SLC19A2: variants seen among roughly 807,000 people sequenced by gnomAD.
SLC19A2 encodes solute carrier family 19 member 2, also known as thiamine transporter 1.
Under a neutral mutation model 44.7 loss-of-function variants are expected in SLC19A2, and 27 were observed. The ratio of observed to expected loss-of-function variants is 0.60; its 90% CI spans 0.45 to 0.83. SLC19A2 has a LOEUF of 0.83. SLC19A2 is among the 40% of genes least tolerant of loss of function. SLC19A2 has a pLI of 0.00. For missense variants in SLC19A2, 566 were observed against 613.7 expected (o/e 0.92, Z 0.82); for synonymous variants, 239 against 243.6 (o/e 0.98, Z 0.18).
At chr1:169,479,902 A>G (rs1452662454) in intron 1 of SLC19A2, among the ~76,000 whole-genome samples, 2 of 152,250 alleles carry the variant, frequency 1.3e-5, no homozygotes, top group African/African-American at 4.8e-5. Flanking sequence ...TTAGGCAAAC[A>G]ATAAAAAATT....
intron 2 of SLC19A2, among the ~76,000 whole-genome samples, chr1:169,476,728 T>C (rs1327371074): frequency 6.6e-6 from 1 of 151,734 alleles, no homozygotes; most frequent in African/African-American, 2.4e-5. Flanking sequence ...TCAAAAATAA[T>C]AATAATAATA....
Position 169,477,459 on chromosome 1 carries a change from C to G in SLC19A2, c.503G>C (p.Gly168Ala). Residue 168 changes from glycine to alanine, a missense_variant, in exon 2 of 6, where the codon GGC (glycine) becomes GCC (alanine). Physicochemically the swap from Gly to Ala is moderately conservative, Grantham distance 60 (BLOSUM62 0). Coordinates refer to ENST00000236137, the MANE Select transcript of SLC19A2 (RefSeq NM_006996.3). ...CCCTAGGACAGAGCCCACTGTAAAG[C>G]CCACCAAAGTGGCACTTCGACAGTA... is the stretch of plus-strand genomic sequence containing the variant. ...TSYCRSATLV[G>A]FTVGSVLGQI... The G allele has an allele frequency of 6.2e-7, 1 of 1,614,130 alleles. No individual in the cohort carries two copies. Among genetic ancestry groups the G allele is most frequent in the Non-Finnish European group, 8.5e-7 (1 of 1,180,022 alleles).
chr1:169,471,700 A>ATGTGTGTGTGTG (rs1557889970), intron 2 of SLC19A2, among the ~76,000 whole-genome samples: 3 of 129,634 alleles, frequency 2.3e-5, no homozygotes, highest in Non-Finnish European at 4.7e-5. Context: ...GTGTGTGTGT[A>ATGTGTGTGTGTG]TATATACACA....
chr1:169,475,089 T>C (rs1658276432), intron 2 of SLC19A2, among the ~76,000 whole-genome samples: 1 of 152,250 alleles, frequency 6.6e-6, no homozygotes, highest in Non-Finnish European at 1.5e-5. Flanking sequence ...TAATCTCTTT[T>C]TAAAATGCTC....
chr1:169,481,336 TA>T (rs1658440174), intron 1 of SLC19A2, among the ~76,000 whole-genome samples: 1 of 152,248 alleles, frequency 6.6e-6, no homozygotes, highest in Non-Finnish European at 1.5e-5. Flanking sequence ...TCTGAATTCA[TA>T]AATTCTGAAT....
rs761647835 is a variant in SLC19A2, at chr1:169,469,989, G to A, written c.1005C>T (p.Gly335=). ...CCAGTAAGGTTGAAACGGCCTCCAC[G>A]CCACCATTATAGATAGCAGCATAGC... ...PSRYAAIYNG[G]VEAVSTLLGA... The change falls in exon 3 of 6, where the codon GGC becomes GGT. Residue 335 remains glycine, a synonymous_variant. Coordinates refer to ENST00000236137, the MANE Select transcript of SLC19A2 (RefSeq NM_006996.3). 34 of 1,613,552 alleles carry A rather than the reference G, an allele frequency of 2.1e-5. 1 individual carries two copies. Among genetic ancestry groups the A allele is most frequent in the Middle Eastern group, 1.7e-4 (1 of 6,026 alleles).
chr1:169,474,512 C>G (rs1658265720), intron 2 of SLC19A2, among the ~76,000 whole-genome samples: 1 of 152,080 alleles, frequency 6.6e-6, no homozygotes, highest in East Asian at 1.9e-4. Context: ...AAGATCAGCA[C>G]CCTTTGCCCC....
chr1:169,480,972 G>T (rs1658429583), intron 1 of SLC19A2, among the ~76,000 whole-genome samples: 1 of 152,158 alleles, frequency 6.6e-6, no homozygotes, highest in South Asian at 2.1e-4. Context: ...GAGTAACACT[G>T]CCAACCTTGC....
chr1:169,485,710 G>A lies in SLC19A2; in HGVS notation c.57C>T (p.Leu19=). 1 of 1,541,738 alleles carries A rather than the reference G, an allele frequency of 6.5e-7. No individual in the cohort carries two copies. The highest frequency in any genetic ancestry group is 1.2e-5 in the South Asian group (1 of 83,950). Residue 19 remains leucine (L), a synonymous_variant, in exon 1 of 6, where the codon CTC becomes CTT. Coordinates refer to ENST00000236137, the MANE Select transcript of SLC19A2 (RefSeq NM_006996.3). ...CGCGACGGACCCGAGCGGTCCGCAG[G>A]AGCACAGTGGCCGCCGCCGCCGCCG... is the stretch of plus-strand genomic sequence containing the variant. ...RRAAAAAATV[L]LRTARVRREC... is the part of the protein sequence containing the mutation.
At chr1:169,476,570 T>C (rs907532913) in intron 2 of SLC19A2, among the ~76,000 whole-genome samples, 2 of 151,926 alleles carry the variant, frequency 1.3e-5, no homozygotes, top group South Asian at 2.1e-4. Context: ...ATACAAAAAT[T>C]AGCTGGGCGT....
At chr1:169,470,916 C>T (rs1424316862) in intron 2 of SLC19A2, among the ~76,000 whole-genome samples, 1 of 152,004 alleles carries the variant, frequency 6.6e-6, no homozygotes, top group Non-Finnish European at 1.5e-5. Context: ...ACTGTAATCC[C>T]TGGGCCTTGC....
intron 1 of SLC19A2, among the ~76,000 whole-genome samples, chr1:169,482,037 A>T (rs1399841988): frequency 6.6e-6 from 1 of 151,622 alleles, no homozygotes; most frequent in Non-Finnish European, 1.5e-5. Context: ...CATCTCTACT[A>T]AAAATACAAA....
chr1:169,468,323 A>G, intron 4 of SLC19A2, 71 bp from the exon 5 acceptor site: 1 of 1,315,278 alleles, frequency 7.6e-7, no homozygotes, highest in Non-Finnish European at 1.1e-6. Context: ...ATTCTAAATA[A>G]AAGTAAACAT....
intron 1 of SLC19A2, among the ~76,000 whole-genome samples, chr1:169,484,360 G>A (rs1205949460): frequency 6.6e-6 from 1 of 152,152 alleles, no homozygotes; most frequent in East Asian, 1.9e-4. Context: ...TTACTGAGTG[G>A]CTACTCAAAA....
intron 2 of SLC19A2, among the ~76,000 whole-genome samples, chr1:169,473,237 A>T (rs1571535017): frequency 6.6e-6 from 1 of 151,556 alleles, no homozygotes; most frequent in Non-Finnish European, 1.5e-5. Context: ...TGGAAATTTT[A>T]TTTATTTATT....
At chr1:169,472,337 C>T (rs750705340) in intron 2 of SLC19A2, among the ~76,000 whole-genome samples, 2 of 152,098 alleles carry the variant, frequency 1.3e-5, no homozygotes, top group South Asian at 2.1e-4. Context: ...CTAAAACTTT[C>T]AAGGATGCTG....
chr1:169,482,558 C>A (rs1658466272), intron 1 of SLC19A2, among the ~76,000 whole-genome samples: 1 of 152,108 alleles, frequency 6.6e-6, no homozygotes, highest in Admixed American at 6.6e-5. Flanking sequence ...AAACTGAGAT[C>A]CTCAGCTCTC....
chr1:169,466,196 G>T (rs923856495), intron 5 of SLC19A2, among the ~76,000 whole-genome samples: 5 of 152,166 alleles, frequency 3.3e-5, no homozygotes, highest in African/African-American at 1.2e-4. Context: ...CAAGCTGCGT[G>T]AACTTGATTG....
rs1427277300 is a variant in SLC19A2, at chr1:169,485,906, C to T, written c.-140G>A. On this transcript the variant is annotated 5_prime_UTR_variant, in exon 1 of 6. Coordinates refer to ENST00000236137, the MANE Select transcript of SLC19A2 (RefSeq NM_006996.3). ...GACGTTCTGGACTCGCCGCCGCCTC[C>T]GGCTACAGAACCCCCAGCTTTACCC... 8.9e-6 allele frequency: 9 copies of T among 1,009,972 alleles called. No individual in the cohort carries two copies. The highest frequency in any genetic ancestry group is 1.3e-5 in the Non-Finnish European group (9 of 710,626). 62.6% of individuals were successfully genotyped at this position (1,009,972 alleles called of 1,614,324 possible). A position where few individuals can be genotyped will look rare whatever the true frequency, so the allele number is the denominator to read the frequency against.
Sources: gnomAD v4.1 joint callset for allele counts (sites outside exome capture counted in the v4.1 genomes callset) on GRCh38, gnomAD v4.1.1 for gene constraint, MANE v1.5 for transcripts, NCBI Gene and HGNC (gene_info 2026-07-23, HGNC 2026-07-21) for gene names.